MGME1: variants seen among roughly 807,000 people sequenced by gnomAD.
MGME1 encodes mitochondrial genome maintenance exonuclease 1.
A neutral mutation model predicts 33.0 loss-of-function variants in MGME1; 22 were observed. That is an observed-to-expected ratio of 0.67 (90% CI 0.48 to 0.95). The LOEUF (loss-of-function observed/expected upper bound fraction) is 0.95, where lower values mean the gene tolerates loss of function less well. Among genes scored for constraint, MGME1 ranks in the 40% least tolerant of loss-of-function variants. The pLI is 0.00. For missense variants in MGME1, 383 were observed against 397.8 expected (o/e 0.96, Z 0.32); for synonymous variants, 133 against 144.0 (o/e 0.92, Z 0.55).
chr20:17,968,642 T>G (rs992134825), upstream of MGME1: 20 of 614,060 alleles, frequency 3.3e-5, no homozygotes, highest in Non-Finnish European at 5.3e-5. Context: ...CAGAGCAGCC[T>G]CCCAGTCCCC....
intron 2 of MGME1, among the ~76,000 whole-genome samples, chr20:17,971,295 G>A (rs1243182429): frequency 6.6e-6 from 1 of 152,166 alleles, no homozygotes; most frequent in Non-Finnish European, 1.5e-5. Context: ...AATGGTCAAG[G>A]CCTTTGCTCC....
At position 17,989,780 on chromosome 20, in the gene MGME1, G is replaced by T. The variant is rs559839165; in HGVS notation, c.865-159G>T. 5.7e-3 allele frequency among the ~76,000 whole-genome samples: 846 copies of T among 148,610 alleles called. 4 individuals are homozygous for T. Among genetic ancestry groups the T allele is most frequent in the African/African-American group, 0.02 (798 of 40,386 alleles). On this transcript the variant is annotated intron_variant, in intron 4 of 4. Transcript: ENST00000377710. ...TTTTATCTGTCATCTTTGTGTTCTTGTGTCCTGGTGCAGTCTTTGATCAAC... is the reference window on the plus strand; with the variant it reads ...TTTTATCTGTCATCTTTGTGTTCTTTTGTCCTGGTGCAGTCTTTGATCAAC...
chr20:17,990,177 T>C lies in MGME1; in HGVS notation c.*68T>C. On this transcript the variant is annotated 3_prime_UTR_variant, in exon 5 of 5. Transcript: ENST00000377710. ...TTTGGGAACATATATTGCTGTTTAC[T>C]CCAGTGTAAAAATGAGGTGCCACTG... 7.1e-7 allele frequency: 1 copy of C among 1,407,868 alleles called. No individual in the cohort carries two copies. Among genetic ancestry groups the C allele is most frequent in the Middle Eastern group, 1.8e-4 (1 of 5,678 alleles). 87.2% of individuals were successfully genotyped at this position (1,407,868 alleles called of 1,614,324 possible). A position where few individuals can be genotyped will look rare whatever the true frequency, so the allele number is the denominator to read the frequency against.
In MGME1 at chr20:17,970,310, A is replaced by G; in HGVS notation, c.451A>G (p.Arg151Gly). The G allele has an allele frequency of 6.2e-7, 1 of 1,614,206 alleles. No individual in the cohort carries two copies. Among genetic ancestry groups the G allele is most frequent in the East Asian group, 2.2e-5 (1 of 44,892 alleles). Reference protein sequence around the residue: ...MTKQQVFLLERWKQRMILELG... With the variant: ...MTKQQVFLLEGWKQRMILELG... ...AAAACAACAGGTTTTCTTGTTGGAG[A>G]GGTGGAAACAGCGGATGATTCTGGA... The change falls in exon 2 of 5, where the codon AGG becomes GGG. Residue 151 changes from arginine (R) to glycine (G), a missense_variant. By Grantham distance (125) the Arg-to-Gly change is moderately radical. Transcript: ENST00000377710.
intron 2 of MGME1, among the ~76,000 whole-genome samples, chr20:17,972,105 G>A (rs920084483): frequency 1.3e-5 from 2 of 152,176 alleles, no homozygotes; most frequent in Non-Finnish European, 2.9e-5. Flanking sequence ...GGGACAATTA[G>A]TGTCATGGTG....
chr20:17,970,778 C>T (rs1265139763), intron 2 of MGME1, among the ~76,000 whole-genome samples: 3 of 152,164 alleles, frequency 2.0e-5, no homozygotes, highest in Admixed American at 6.5e-5. Context: ...TACTTATTAG[C>T]GTAAACTGAC....
intron 1 of MGME1, among the ~76,000 whole-genome samples, chr20:17,969,382 A>G (rs1488283722): frequency 6.6e-6 from 1 of 152,162 alleles, no homozygotes; most frequent in Non-Finnish European, 1.5e-5. Flanking sequence ...TTCTAGACCC[A>G]CGGTAGAGGG....
chr20:17,975,065 C>G lies in MGME1; in HGVS notation c.512-619C>G, dbSNP rs1407460585. On this transcript the variant is annotated intron_variant, in intron 2 of 4. Transcript: ENST00000377710. ...ACTTATTACATTGGATACTTAAACACATAGTACCATAAACTGGATGTGGTC... is the reference window on the plus strand; with the variant it reads ...ACTTATTACATTGGATACTTAAACAGATAGTACCATAAACTGGATGTGGTC... Among the ~76,000 whole-genome samples the G allele has an allele frequency of 2.0e-5, 3 of 152,144 alleles. No individual in the cohort carries two copies. In the East Asian group the frequency reaches 5.8e-4, roughly 29 times the overall value.
intron 3 of MGME1, among the ~76,000 whole-genome samples, chr20:17,987,669 C>T (rs2036187964): frequency 6.6e-6 from 1 of 151,964 alleles, no homozygotes. Context: ...GTGTAACTGT[C>T]TAGAGCTATA....
intron 3 of MGME1, among the ~76,000 whole-genome samples, chr20:17,986,769 T>G (rs1438965045): frequency 6.6e-6 from 1 of 152,196 alleles, no homozygotes; most frequent in Non-Finnish European, 1.5e-5. Flanking sequence ...ATCTTACCAT[T>G]TATTTGTATC....
At chr20:17,985,723 C>T (rs549960494) in intron 3 of MGME1, among the ~76,000 whole-genome samples, 14 of 152,252 alleles carry the variant, frequency 9.2e-5, no homozygotes, top group African/African-American at 3.4e-4. Flanking sequence ...TGTTTAGATG[C>T]ACTAATGCTT....
At chr20:17,974,706 C>T (rs2035815991) in intron 2 of MGME1, among the ~76,000 whole-genome samples, 1 of 151,694 alleles carries the variant, frequency 6.6e-6, no homozygotes, top group Non-Finnish European at 1.5e-5. Flanking sequence ...AAAAATATTA[C>T]ATGTTAAATA....
At chr20:17,988,467 C>T (rs1461551679) in intron 4 of MGME1, among the ~76,000 whole-genome samples, 169 bp downstream of exon 4, 1 of 151,952 alleles carries the variant, frequency 6.6e-6, no homozygotes, top group African/African-American at 2.4e-5. Flanking sequence ...TATGGTGAAA[C>T]CCTGTCTTTA....
At chr20:17,979,503 G>A (rs1029659080) in intron 3 of MGME1, among the ~76,000 whole-genome samples, 1 of 150,180 alleles carries the variant, frequency 6.7e-6, no homozygotes, top group African/African-American at 2.5e-5. Context: ...GCTCCGCCTC[G>A]GGTTCACGCC....
chr20:17,969,729 A>G, intron 1 of MGME1, 72 bp from the exon 2 acceptor site: 3 of 978,504 alleles, frequency 3.1e-6, no homozygotes, highest in Non-Finnish European at 3.0e-6. Flanking sequence ...CATGTCGAAA[A>G]AGTTCACAAT....
At chr20:17,974,526 G>A (rs754071899) in intron 2 of MGME1, among the ~76,000 whole-genome samples, 21 of 152,110 alleles carry the variant, frequency 1.4e-4, no homozygotes, top group Non-Finnish European at 2.4e-4. Context: ...ACCTGGGGAC[G>A]AAAAGTAAGG....
intron 3 of MGME1, among the ~76,000 whole-genome samples, chr20:17,976,136 G>GT (rs769908703): frequency 8.0e-4 from 122 of 152,226 alleles, no homozygotes; most frequent in Non-Finnish European, 1.3e-3. Flanking sequence ...TTCTTTGTTT[G>GT]TTTGTTTTGT....
chr20:17,988,652 CAAA>C (rs1239119788), intron 4 of MGME1, among the ~76,000 whole-genome samples: 1 of 66,176 alleles, frequency 1.5e-5, no homozygotes. Context: ...GAATCTGTCT[CAAA>C]AAAAAAAAAA....
intron 3 of MGME1, among the ~76,000 whole-genome samples, chr20:17,986,125 A>G (rs113966888): frequency 0.1 from 15,539 of 151,942 alleles, 849 homozygotes; most frequent in Non-Finnish European, 0.11. Context: ...CTGCAGTGCA[A>G]TGGCACAGTC....
Sources: allele counts gnomAD v4.1 joint callset (sites outside exome capture counted in the v4.1 genomes callset), GRCh38; gene constraint gnomAD v4.1.1; transcripts MANE v1.5; gene names NCBI Gene and HGNC (gene_info 2026-07-23, HGNC 2026-07-21).